The following FBXL18 variants were observed in gnomAD, a reference collection of about 807,000 sequenced individuals.
The protein encoded by FBXL18 is F-box and leucine rich repeat protein 18, also known as F-box/LRR-repeat protein 18.
In FBXL18, 36 loss-of-function variants were observed where a neutral mutation model predicts 46.0. That is an observed-to-expected ratio of 0.78 (90% CI 0.60 to 1.03). FBXL18 has a LOEUF of 1.03. FBXL18 is among the 50% of genes least tolerant of loss of function. The pLI, the probability that FBXL18 is intolerant of heterozygous loss-of-function variation, is 0.00. For missense variants in FBXL18, 977 were observed against 1,004.1 expected (o/e 0.97, Z 0.36); for synonymous variants, 557 against 465.3 (o/e 1.20, Z -2.54).
chr7:5,512,074 A>T (rs1584250773), intron 1 of FBXL18, among the ~76,000 whole-genome samples: 1 of 66,996 alleles, frequency 1.5e-5, no homozygotes, highest in African/African-American at 4.1e-5. Context: ...TCTCTAGTAA[A>T]AAAAAAAAAA....
Position 5,481,144 on chromosome 7 carries a change from C to A in FBXL18, c.*631G>T, listed in dbSNP as rs1253689497. 2 of 152,300 alleles carry A rather than the reference C, an allele frequency of 1.3e-5. No individual in the cohort carries two copies. The highest frequency in any genetic ancestry group is 2.9e-5 in the Non-Finnish European group (2 of 68,156). 9.4% of individuals were successfully genotyped at this position (152,300 alleles called of 1,614,324 possible). A position where few individuals can be genotyped will look rare whatever the true frequency, so the allele number is the denominator to read the frequency against. On this transcript the variant is annotated 3_prime_UTR_variant, in exon 5 of 5. Coordinates refer to ENST00000382368, the MANE Select transcript of FBXL18 (RefSeq NM_024963.6). ...CAGCAGTCCCAACCTCAGGGGACCTCTCTGGGGCCACAGGCATCATCTGGC... is the reference window on the plus strand; with the variant it reads ...CAGCAGTCCCAACCTCAGGGGACCTATCTGGGGCCACAGGCATCATCTGGC...
chr7:5,487,120 C>CCCCTAGGCCCACACAGGTG (rs1353053112), intron 4 of FBXL18, among the ~76,000 whole-genome samples: 3 of 152,214 alleles, frequency 2.0e-5, no homozygotes, highest in Non-Finnish European at 1.5e-5. Context: ...CTGACACTGA[C>CCCCTAGGCCCACACAGGTG]CCCTAGGCCC....
intron 4 of FBXL18, among the ~76,000 whole-genome samples, chr7:5,467,901 AATG>A (rs948542273): frequency 5.3e-5 from 8 of 152,268 alleles, no homozygotes; most frequent in African/African-American, 1.9e-4. Context: ...CTGTCATTAA[AATG>A]ATGGAGGAAC....
In FBXL18 at chr7:5,458,112, C is replaced by T. The variant is rs377050795; in HGVS notation, c.2001-10269G>A. Reference sequence around the variant, plus strand: ...CAACCCCAAAACCTTAAACCACAAACTGAAAAGCAGGTGGGACCGTTTCAG... The same window carrying T: ...CAACCCCAAAACCTTAAACCACAAATTGAAAAGCAGGTGGGACCGTTTCAG... On this transcript the variant is annotated intron_variant and NMD_transcript_variant, in intron 4 of 6. Coordinates refer to the FBXL18 transcript ENST00000415009. Among the ~76,000 whole-genome samples the T allele has an allele frequency of 6.6e-5, 10 of 151,916 alleles. No individual in the cohort carries two copies. The East Asian group carries it at 1.5e-3, about 23-fold the overall frequency.
rs1562680114 is a variant in FBXL18 at position 5,477,227 on chromosome 7, G to A, written c.*4548C>T. Among the ~76,000 whole-genome samples the A allele has an allele frequency of 6.6e-6, 1 of 152,064 alleles. No homozygotes were observed. Among genetic ancestry groups the A allele is most frequent in the Non-Finnish European group, 1.5e-5 (1 of 68,026 alleles). On this transcript the variant is annotated 3_prime_UTR_variant, in exon 5 of 5. Coordinates refer to ENST00000382368, the MANE Select transcript of FBXL18 (RefSeq NM_024963.6). The surrounding 1 kb of genome is among the most constrained non-coding windows in gnomAD (Gnocchi z 4.4). The stretch of plus-strand genomic sequence containing the variant: ...TAACTTGAATCCCACACCCCCAAGT[G>A]CAAATGAGACCCATGACCATCACAA...
chr7:5,509,003 G>A (rs1039458144), intron 1 of FBXL18, among the ~76,000 whole-genome samples: 6 of 151,970 alleles, frequency 3.9e-5, no homozygotes, highest in African/African-American at 7.2e-5. Context: ...GACAGGCCTC[G>A]GCAACATGAT....
downstream of FBXL18, among the ~76,000 whole-genome samples, chr7:5,474,640 T>A (rs911894867): frequency 7.3e-5 from 11 of 151,400 alleles, no homozygotes; most frequent in African/African-American, 2.7e-4. Flanking sequence ...TATTTTACTT[T>A]TTTTTCTTCA....
At chr7:5,511,159 G>A (rs1004577280) in intron 1 of FBXL18, among the ~76,000 whole-genome samples, 2 of 152,000 alleles carry the variant, frequency 1.3e-5, no homozygotes, top group African/African-American at 2.4e-5. Context: ...AATCTTGGCT[G>A]GGCATGGTGG....
chr7:5,468,410 C>T (rs1289778054), intron 4 of FBXL18, among the ~76,000 whole-genome samples: 1 of 152,156 alleles, frequency 6.6e-6, no homozygotes, highest in African/African-American at 2.4e-5. Context: ...AGCCACCACG[C>T]CCAGCCACCT....
rs1018740678 is a variant in FBXL18, at chr7:5,500,763, G to A, written c.1506C>T (p.Asn502=). The change falls in exon 3 of 5, where the codon AAC becomes AAT. Residue 502 remains asparagine (N), a synonymous_variant. Coordinates refer to ENST00000382368, the MANE Select transcript of FBXL18 (RefSeq NM_024963.6). The part of the protein sequence containing the change: ...GSNFSSAMPR[N]EPAIRNSLPP... ...GGAGCGAGTTGCGGATGGCGGGCTC[G>A]TTGCGGGGCATGGCGGAGGAGAAGT... The A allele has an allele frequency of 5.6e-6, 9 of 1,612,466 alleles. No homozygotes were observed. The highest frequency in any genetic ancestry group is 5.5e-5 in the South Asian group (5 of 91,066).
chr7:5,462,603 G>A (rs1180399559), intron 4 of FBXL18, among the ~76,000 whole-genome samples: 2 of 151,954 alleles, frequency 1.3e-5, no homozygotes, highest in African/African-American at 4.8e-5. Context: ...TTGCTCTCAG[G>A]AATCTCCACT....
intron 1 of FBXL18, among the ~76,000 whole-genome samples, chr7:5,512,184 G>A (rs1456686312): frequency 9.3e-5 from 14 of 149,820 alleles, no homozygotes; most frequent in African/African-American, 3.2e-4. Flanking sequence ...GGCGGAGCTT[G>A]CAATGAGCCG....
chr7:5,457,469 A>C (rs1367871398), intron 4 of FBXL18, among the ~76,000 whole-genome samples: 1 of 152,186 alleles, frequency 6.6e-6, no homozygotes, highest in African/African-American at 2.4e-5. Flanking sequence ...CTGCATTGTG[A>C]AGCTGTTTCG....
At position 5,511,479 on chromosome 7, in the gene FBXL18, G is replaced by A. The variant is rs1040190305; in HGVS notation, c.18+2178C>T. 7.9e-5 allele frequency among the ~76,000 whole-genome samples: 12 copies of A among 152,110 alleles called. No individual in the cohort carries two copies. In the East Asian group the frequency reaches 1.4e-3, roughly 17 times the overall value. ...TACAAATGCGGACGTAGTGGCACGC[G>A]CCTGTAATCCCAGCTACTTGGGAGG... On this transcript the variant is annotated intron_variant, in intron 1 of 4. Coordinates refer to ENST00000382368, the MANE Select transcript of FBXL18 (RefSeq NM_024963.6).
rs368586990 is a variant in FBXL18 at position 5,494,086 on chromosome 7, A to G, written c.1782-2637T>C. On this transcript the variant is annotated intron_variant, in intron 3 of 4. Transcript: ENST00000382368. ...TCGGGAGTTTGAGACCAGCCTGACCAACATGGAAAAACCCCATCTCTACTA... is the reference window on the plus strand; with the variant it reads ...TCGGGAGTTTGAGACCAGCCTGACCGACATGGAAAAACCCCATCTCTACTA... 2.0e-5 allele frequency among the ~76,000 whole-genome samples: 3 copies of G among 152,112 alleles called. No homozygotes were observed. In the East Asian group the frequency reaches 5.8e-4, roughly 30 times the overall value.
chr7:5,463,724 A>ATTTAT (rs1783294347), intron 4 of FBXL18, among the ~76,000 whole-genome samples: 6 of 59,664 alleles, frequency 1.0e-4, no homozygotes, highest in African/African-American at 3.7e-4. Context: ...TTATTTATTT[A>ATTTAT]TTTATTTTTT....
At chr7:5,500,370 C>T (rs1784201969) in intron 3 of FBXL18, 118 bp downstream of exon 3, 5 of 946,546 alleles carry the variant, frequency 5.3e-6, no homozygotes, top group Admixed American at 2.6e-5. Context: ...CGCTGCGAGG[C>T]CCCGCCCCAG....
At chr7:5,506,253 T>C (rs1784391937) in intron 1 of FBXL18, among the ~76,000 whole-genome samples, 1 of 148,728 alleles carries the variant, frequency 6.7e-6, no homozygotes, top group Admixed American at 6.8e-5. Flanking sequence ...CTCTTTTTTT[T>C]TTCTTTTTTT....
intron 4 of FBXL18, among the ~76,000 whole-genome samples, chr7:5,458,328 G>A (rs2128230647): frequency 6.6e-6 from 1 of 152,344 alleles, no homozygotes; most frequent in South Asian, 2.1e-4. Flanking sequence ...ATTTTGGGAG[G>A]CCAAGGCGAG....
Sources: gnomAD v4.1 joint callset for allele counts (sites outside exome capture counted in the v4.1 genomes callset) on GRCh38, gnomAD v4.1.1 for gene constraint, Gnocchi (gnomAD v3.1) non-coding constraint, MANE v1.5 for transcripts, NCBI Gene and HGNC (gene_info 2026-07-23, HGNC 2026-07-21) for gene names.